Variants in NOS1 observed in about 807,000 individuals in gnomAD.
The protein encoded by NOS1 is nitric oxide synthase 1, also known as NOS type I.
In NOS1, 51 loss-of-function variants were observed where a neutral mutation model predicts 164.5. That is an observed-to-expected ratio of 0.31 (90% confidence interval 0.25 to 0.39). The LOEUF is 0.39. Ranked by LOEUF, NOS1 falls within the 10% of genes least tolerant of loss-of-function variation. The pLI, the probability that NOS1 is intolerant of heterozygous loss-of-function variation, is 1.00. For missense variants in NOS1, 1,362 were observed against 1,885.6 expected (o/e 0.72, Z 5.14); for synonymous variants, 719 against 745.8 (o/e 0.96, Z 0.59).
chr12:117,262,514 GGAGA>G (rs879291334), intron 13 of NOS1, among the ~76,000 whole-genome samples: 13 of 146,420 alleles, frequency 8.9e-5, no homozygotes, highest in African/African-American at 2.1e-4. Flanking sequence ...AGAAGAGAGA[GGAGA>G]GAGAGAGAGA....
intron 10 of NOS1, among the ~76,000 whole-genome samples, chr12:117,270,436 G>A (rs998715032): frequency 6.6e-6 from 1 of 151,970 alleles, no homozygotes; most frequent in Non-Finnish European, 1.5e-5. Context: ...TTGAGGCTGA[G>A]GCATTAGTTT....
In NOS1 at chr12:117,286,186, T is replaced by C; in HGVS notation, c.1208A>G (p.Asp403Gly). 2 of 1,614,202 alleles carry C rather than the reference T, an allele frequency of 1.2e-6. No homozygotes were observed. Among genetic ancestry groups the C allele is most frequent in the Non-Finnish European group, 1.7e-6 (2 of 1,180,022 alleles). Reference protein sequence around the residue: ...IDTTSTYQLKDTELIYGAKHA... With the variant: ...IDTTSTYQLKGTELIYGAKHA... ...CTTGGCCCCATAGATGAGCTCTGTG[T>C]CCTTGAGCTGGTAAGTGCTAGTGGT... The change falls in exon 6 of 29, where the codon GAC (aspartate) becomes GGC (glycine). Residue 403 changes from aspartate to glycine, a missense_variant. Around this residue, in one of 4 missense-constraint regions of NOS1, gnomAD observed 129 missense variants for 186.0 expected, o/e 0.69. Coordinates refer to ENST00000317775, the MANE Select transcript of NOS1 (RefSeq NM_000620.5).
rs1053721904 is a variant in NOS1 at position 117,259,115 on chromosome 12, C to T, written c.2383G>A (p.Glu795Lys). The T allele has an allele frequency of 1.9e-6, 3 of 1,613,472 alleles. No homozygotes were observed. Among genetic ancestry groups the T allele is most frequent in the Non-Finnish European group, 2.5e-6 (3 of 1,179,610 alleles). The change falls in exon 15 of 29, where the codon GAA (glutamate) becomes AAA (lysine). Residue 795 changes from glutamate (E) to lysine (K), a missense_variant. This residue lies in a region of NOS1 where 737 missense variants were observed against 1,030.3 expected (regional missense o/e 0.72). Transcript: ENST00000317775. Reference protein sequence around the residue: ...AFDAKVMSMEEYDIVHLEHET... With the variant: ...AFDAKVMSMEKYDIVHLEHET... ...TGTTCCAGGTGCACAATGTCATATT[C>T]TTCCATGGACATCACCTAGGTGGGC...
Position 117,263,988 on chromosome 12 carries a change from G to A in NOS1, c.2137-14C>T, listed in dbSNP as rs9658402. On this transcript the variant is annotated splice_polypyrimidine_tract_variant and intron_variant, in intron 12 of 28. Transcript: ENST00000317775. ...CCAGGGATCAGGCTGGGAAGAGAAG[G>A]AGAGGGCTATGGTCACTCACTGCAG... 476 of 1,611,130 alleles carry A rather than the reference G, an allele frequency of 3.0e-4. 1 individual carries two copies. In the African/African-American group the frequency reaches 5.9e-3, roughly 20 times the overall value.
At chr12:117,342,001 A>G (rs1340795332) in intron 1 of NOS1, among the ~76,000 whole-genome samples, 1 of 152,228 alleles carries the variant, frequency 6.6e-6, no homozygotes, top group African/African-American at 2.4e-5. Flanking sequence ...GGACAGCCTC[A>G]TTACTATAAA....
intron 3 of NOS1, among the ~76,000 whole-genome samples, chr12:117,296,732 C>G (rs145671209): frequency 6.6e-6 from 1 of 152,140 alleles, no homozygotes; most frequent in African/African-American, 2.4e-5. Context: ...ACCTCCATCC[C>G]CCACCCCCAT....
intron 26 of NOS1, among the ~76,000 whole-genome samples, chr12:117,221,243 C>A (rs1311733742): frequency 6.6e-6 from 1 of 151,702 alleles, no homozygotes; most frequent in Non-Finnish European, 1.5e-5. Flanking sequence ...ACCTCCGCCT[C>A]CCAGGTTCAA....
intron 1 of NOS1, among the ~76,000 whole-genome samples, chr12:117,343,097 G>C (rs1288529963): frequency 6.6e-6 from 1 of 151,992 alleles, no homozygotes; most frequent in Non-Finnish European, 1.5e-5. Flanking sequence ...GGGAGGCTGA[G>C]GCGAGAGGAT....
intron 1 of NOS1, among the ~76,000 whole-genome samples, chr12:117,341,564 G>C (rs187529700): frequency 2.0e-5 from 3 of 152,308 alleles, no homozygotes; most frequent in Admixed American, 2.0e-4. Context: ...GAAAATTTCA[G>C]AGTTTGGGGC....
In NOS1 at chr12:117,222,772, G is replaced by A; in HGVS notation, c.3918C>T (p.Asn1306=). 2 of 1,614,030 alleles carry A rather than the reference G, an allele frequency of 1.2e-6. No individual in the cohort carries two copies. Among genetic ancestry groups the A allele is most frequent in the Non-Finnish European group, 8.5e-7 (1 of 1,179,980 alleles). Residue 1306 remains asparagine, a synonymous_variant, in exon 26 of 29, where the codon AAC becomes AAT. Coordinates refer to ENST00000317775, the MANE Select transcript of NOS1 (RefSeq NM_000620.5). The part of the protein sequence containing the change: ...IYREETLQAK[N]KGVFRELYTA... ...TGTACAGCTCTCTGAAGACCCCCTT[G>A]TTCTTGGCCTGCAGGGTCTCTTCCC... is the stretch of plus-strand genomic sequence containing the variant.
chr12:117,272,349 T>C lies in NOS1; in HGVS notation c.1839+36A>G. On this transcript the variant is annotated intron_variant, in intron 10 of 28. Coordinates refer to ENST00000317775, the MANE Select transcript of NOS1 (RefSeq NM_000620.5). The surrounding 1 kb of genome is among the most constrained non-coding windows in gnomAD (Gnocchi z 4.3). The stretch of plus-strand genomic sequence containing the variant: ...TGCTGAGCTGGCACCCTCTGCTATG[T>C]GCTTTTCCCCTGTGGTGACCAGAGA... 1 of 1,612,276 alleles carries C rather than the reference T, an allele frequency of 6.2e-7. No individual in the cohort carries two copies. Among genetic ancestry groups the C allele is most frequent in the Middle Eastern group, 1.7e-4 (1 of 6,056 alleles).
Position 117,299,467 on chromosome 12 carries a change from C to T in NOS1, c.853-9041G>A, listed in dbSNP as rs568433416. On this transcript the variant is annotated intron_variant, in intron 3 of 28. Transcript: ENST00000317775. ...TCCTGGCTAACACGGTGAAACCCCA[C>T]CTCCACTAAAAATACAAAAAAACTA... Among the ~76,000 whole-genome samples, 8 of 151,846 alleles carry T rather than the reference C, an allele frequency of 5.3e-5. No homozygotes were observed. In the South Asian group the frequency reaches 1.3e-3, roughly 24 times the overall value.
chr12:117,322,406 C>T (rs552500666), intron 2 of NOS1, among the ~76,000 whole-genome samples: 23 of 137,992 alleles, frequency 1.7e-4, no homozygotes, highest in Admixed American at 6.6e-4. Context: ...CTTTCCCTTC[C>T]TCCTTCCTTC....
chr12:117,350,626 G>A (rs889484076), intron 1 of NOS1, among the ~76,000 whole-genome samples: 2 of 152,212 alleles, frequency 1.3e-5, no homozygotes, highest in Middle Eastern at 3.2e-3. Context: ...GAAGCAAAAT[G>A]GAGACATTCC....
At chr12:117,314,496 A>T (rs1874585450) in intron 2 of NOS1, among the ~76,000 whole-genome samples, 2 of 152,224 alleles carry the variant, frequency 1.3e-5, no homozygotes. Context: ...CCCATTTTAC[A>T]CATGACAAAA....
At chr12:117,260,641 G>A (rs1409199310) in intron 13 of NOS1, 32 bp from the exon 14 acceptor site, 1 of 1,599,458 alleles carries the variant, frequency 6.3e-7, no homozygotes, top group Admixed American at 1.7e-5. Flanking sequence ...TGAAAAATGG[G>A]CAACAGAAAA....
intron 3 of NOS1, among the ~76,000 whole-genome samples, chr12:117,302,745 A>T (rs995400963): frequency 1.3e-5 from 2 of 151,890 alleles, no homozygotes; most frequent in Admixed American, 1.3e-4. Flanking sequence ...GTTACTTTTT[A>T]AAATTTTTTT....
intron 1 of NOS1, among the ~76,000 whole-genome samples, chr12:117,351,191 G>C (rs1324622902): frequency 6.6e-6 from 1 of 152,198 alleles, no homozygotes; most frequent in Non-Finnish European, 1.5e-5. Flanking sequence ...GTGGAGACAG[G>C]AGATGAGGGA....
intron 1 of NOS1, chr12:117,348,016 C>CTTTT (rs1215421971): frequency 8.2e-6 from 1 of 121,232 alleles, no homozygotes; most frequent in Non-Finnish European, 1.7e-5. Flanking sequence ...AGATCCCCTA[C>CTTTT]ATTTTTTTTT....
Sources: gnomAD v4.1 joint callset for allele counts (sites outside exome capture counted in the v4.1 genomes callset) on GRCh38, gnomAD v4.1.1 for gene constraint, gnomAD v4.1.1 regional missense constraint, Gnocchi (gnomAD v3.1) non-coding constraint, MANE v1.5 for transcripts, NCBI Gene and HGNC (gene_info 2026-07-23, HGNC 2026-07-21) for gene names.